The following WDR33 variants were observed in gnomAD, a reference collection of about 807,000 sequenced individuals.
WDR33 encodes WD repeat domain 33.
A neutral mutation model predicts 164.9 loss-of-function variants in WDR33; 47 were observed. The ratio of observed to expected loss-of-function variants is 0.29; its 90% CI spans 0.23 to 0.36. The LOEUF is 0.36. Ranked by LOEUF, WDR33 falls within the 10% of genes least tolerant of loss-of-function variation. The pLI is 1.00. For missense variants in WDR33, 1,137 were observed against 1,754.1 expected (o/e 0.65, Z 6.28); for synonymous variants, 505 against 589.0 (o/e 0.86, Z 2.06).
In WDR33 at chr2:127,709,429, C is replaced by T; in HGVS notation, c.3565+61G>A. The T allele has an allele frequency of 1.3e-6, 2 of 1,556,108 alleles. No homozygotes were observed. The highest frequency in any genetic ancestry group is 8.9e-7 in the Non-Finnish European group (1 of 1,129,110). Reference sequence around the variant, plus strand: ...GACCCGGTGCACCCCAGAGAGGGCCCTCAGAACTCACTTTGTGAACTGCAG... The same window carrying T: ...GACCCGGTGCACCCCAGAGAGGGCCTTCAGAACTCACTTTGTGAACTGCAG... On this transcript the variant is annotated intron_variant, in intron 20 of 21. Coordinates refer to ENST00000322313, the MANE Select transcript of WDR33 (RefSeq NM_018383.5). The surrounding 1 kb of genome is among the most constrained non-coding windows in gnomAD (Gnocchi z 5.0).
chr2:127,734,111 A>G (rs952043829), intron 7 of WDR33, among the ~76,000 whole-genome samples: 20 of 152,332 alleles, frequency 1.3e-4, no homozygotes, highest in African/African-American at 4.1e-4. Flanking sequence ...TCCACCTCTC[A>G]GAACTATATA....
intron 1 of WDR33, among the ~76,000 whole-genome samples, chr2:127,791,249 C>A (rs1162372570): frequency 6.8e-6 from 1 of 147,774 alleles, no homozygotes; most frequent in African/African-American, 2.5e-5. Context: ...GCCTCAAACT[C>A]CTGGGCTCAA....
In WDR33 at chr2:127,702,489, C is replaced by T. The variant is rs1431638993; in HGVS notation, c.*3834G>A. ...GAAGTAACTGTGGTCTTAGGTTCGG[C>T]TGAGTAAAGAAAAAGGATTTTTCTT... On this transcript the variant is annotated 3_prime_UTR_variant, in exon 22 of 22. Coordinates refer to ENST00000322313, the MANE Select transcript of WDR33 (RefSeq NM_018383.5). The T allele has an allele frequency of 4.8e-6, 1 of 207,202 alleles. No individual in the cohort carries two copies. Among genetic ancestry groups the T allele is most frequent in the African/African-American group, 2.3e-5 (1 of 42,646 alleles). The allele number at this position is 207,202 out of a possible 1,614,324, so 12.8% of individuals were successfully genotyped here. A position where few individuals can be genotyped will look rare whatever the true frequency, so the allele number is the denominator to read the frequency against.
At chr2:127,727,136 G>T (rs919630733) in intron 7 of WDR33, among the ~76,000 whole-genome samples, 3 of 152,132 alleles carry the variant, frequency 2.0e-5, no homozygotes, top group Non-Finnish European at 4.4e-5. Context: ...CACAATCCCT[G>T]TCACTCACTT....
chr2:127,706,661 G>T lies in WDR33; in HGVS notation c.3782-109C>A. The T allele has an allele frequency of 1.0e-6, 1 of 987,954 alleles. No individual in the cohort carries two copies. The highest frequency in any genetic ancestry group is 1.5e-6 in the Non-Finnish European group (1 of 681,812). The allele number at this position is 987,954 out of a possible 1,614,324, so 61.2% of individuals were successfully genotyped here. A position where few individuals can be genotyped will look rare whatever the true frequency, so the allele number is the denominator to read the frequency against. Reference sequence around the variant, plus strand: ...TGACAATGGACCAGTTCTGGTGGGTGCCAGGGAGACTGGCAGTGGTATTCA... The same window carrying T: ...TGACAATGGACCAGTTCTGGTGGGTTCCAGGGAGACTGGCAGTGGTATTCA... On this transcript the variant is annotated intron_variant, in intron 21 of 21. Coordinates refer to ENST00000322313, the MANE Select transcript of WDR33 (RefSeq NM_018383.5). This position sits in a 1 kb window ranked among gnomAD's most constrained non-coding sequence, Gnocchi z 5.1.
intron 1 of WDR33, among the ~76,000 whole-genome samples, chr2:127,805,886 AG>A (rs1312420615): frequency 6.6e-6 from 1 of 151,602 alleles, no homozygotes; most frequent in African/African-American, 2.4e-5. Context: ...TGCCACCTAT[AG>A]CTGGAATGAA....
At chr2:127,762,590 T>A in intron 7 of WDR33, 2 of 986,244 alleles carry the variant, frequency 2.0e-6, no homozygotes, top group Non-Finnish European at 2.4e-6. Context: ...GCCGGCCATG[T>A]AGTACAAATG....
intron 7 of WDR33, among the ~76,000 whole-genome samples, chr2:127,749,690 G>T (rs1389327227): frequency 1.3e-5 from 2 of 150,812 alleles, no homozygotes; most frequent in Non-Finnish European, 3.0e-5. Context: ...AAATGCCATA[G>T]TGTTGACTAC....
chr2:127,719,610 G>T lies in WDR33; in HGVS notation c.2415C>A (p.His805Gln), dbSNP rs772162463. ...GPAPQGMIMG[H>Q]PPQEMRGPHP... ...GAGGTCCTCTCATCTCTTGAGGCGG[G>T]TGGCCCATAATCATCCCTTGGGGAG... is the stretch of plus-strand genomic sequence containing the variant. The change falls in exon 16 of 22, where the codon CAC becomes CAA. Residue 805 changes from histidine (H) to glutamine (Q), a missense_variant. Physicochemically the swap from His to Gln is conservative, Grantham distance 24 (BLOSUM62 0). This residue lies in a region of WDR33 where 867 missense variants were observed against 1,073.0 expected (regional missense o/e 0.81). Transcript: ENST00000322313. The surrounding 1 kb of genome is among the most constrained non-coding windows in gnomAD (Gnocchi z 6.5). 6.2e-7 allele frequency: 1 copy of T among 1,613,930 alleles called. No individual in the cohort carries two copies. The highest frequency in any genetic ancestry group is 8.5e-7 in the Non-Finnish European group (1 of 1,179,998).
chr2:127,755,587 C>G (rs1324030406), intron 7 of WDR33, among the ~76,000 whole-genome samples: 1 of 152,200 alleles, frequency 6.6e-6, no homozygotes, highest in Non-Finnish European at 1.5e-5. Flanking sequence ...TTTCTCCAAG[C>G]CTGCGCGTGC....
At chr2:127,711,887 C>T (rs981247997) in intron 18 of WDR33, among the ~76,000 whole-genome samples, 3 of 150,192 alleles carry the variant, frequency 2.0e-5, no homozygotes, top group South Asian at 2.1e-4. Context: ...ATTCTCCTGC[C>T]TCAGCCTTCC....
intron 1 of WDR33, among the ~76,000 whole-genome samples, chr2:127,778,202 G>C (rs1185036516): frequency 6.6e-6 from 1 of 151,994 alleles, no homozygotes; most frequent in Non-Finnish European, 1.5e-5. Flanking sequence ...TTGGGAGGCC[G>C]AGGTGGGTGG....
At chr2:127,810,085 T>A (rs1007407756) in intron 1 of WDR33, among the ~76,000 whole-genome samples, 1 of 152,282 alleles carries the variant, frequency 6.6e-6, no homozygotes, top group Non-Finnish European at 1.5e-5. Flanking sequence ...TATATATGTA[T>A]ATATAGCATG....
In WDR33 at chr2:127,702,169, C is replaced by G; in HGVS notation, c.*4154G>C. The G allele has an allele frequency of 3.3e-6, 4 of 1,214,444 alleles. No homozygotes were observed. The highest frequency in any genetic ancestry group is 4.1e-6 in the Non-Finnish European group (4 of 976,664). 75.2% of individuals were successfully genotyped at this position (1,214,444 alleles called of 1,614,324 possible). On this transcript the variant is annotated 3_prime_UTR_variant, in exon 22 of 22. Coordinates refer to ENST00000322313, the MANE Select transcript of WDR33 (RefSeq NM_018383.5). Reference sequence around the variant, plus strand: ...GGCGCCGGCCTCGCCAAGGTGCTGCCCGTGTGAGGACCTCGCGCCCTCGCC... The same window carrying G: ...GGCGCCGGCCTCGCCAAGGTGCTGCGCGTGTGAGGACCTCGCGCCCTCGCC...
chr2:127,808,044 T>C (rs934363280), intron 1 of WDR33, among the ~76,000 whole-genome samples: 1 of 152,150 alleles, frequency 6.6e-6, no homozygotes, highest in African/African-American at 2.4e-5. Context: ...TAAAGATATA[T>C]ACAAAATGCT....
intron 7 of WDR33, among the ~76,000 whole-genome samples, chr2:127,732,332 T>C (rs1686732452): frequency 1.3e-5 from 2 of 151,626 alleles, no homozygotes; most frequent in Non-Finnish European, 2.9e-5. Context: ...AGGGTTGCAC[T>C]CTATCGCCCA....
At chr2:127,711,751 G>GATATATATATATATATATATATATAT (rs754454193) in intron 18 of WDR33, among the ~76,000 whole-genome samples, 45 of 71,568 alleles carry the variant, frequency 6.3e-4, no homozygotes, top group African/African-American at 2.4e-3. Flanking sequence ...CACATATACA[G>GATATATATATATATATATATATATAT]ATATATATAT....
In WDR33 at chr2:127,719,710, G is replaced by A; in HGVS notation, c.2315C>T (p.Ser772Phe). The A allele has an allele frequency of 6.2e-7, 1 of 1,613,766 alleles. No homozygotes were observed. Residue 772 changes from serine (S) to phenylalanine (F), a missense_variant, in exon 16 of 22, where the codon TCT becomes TTT. This residue lies in a region of WDR33 where 867 missense variants were observed against 1,073.0 expected (regional missense o/e 0.81). Coordinates refer to ENST00000322313, the MANE Select transcript of WDR33 (RefSeq NM_018383.5). The surrounding 1 kb of genome is among the most constrained non-coding windows in gnomAD (Gnocchi z 6.5). The stretch of plus-strand genomic sequence containing the variant: ...ATTCAATCCCATCAGAGGTCCCTGA[G>A]ACACAGGACCTTGGATCCCTTGAGA... ...PGSQGIQGPV[S>F]QGPLMGLNPR...
Position 127,764,847 on chromosome 2 carries a change from CCTT to C in WDR33, c.604_606del (p.Lys202del). 6.2e-7 allele frequency: 1 copy of C among 1,614,212 alleles called. No individual in the cohort carries two copies. The highest frequency in any genetic ancestry group is 8.5e-7 in the Non-Finnish European group (1 of 1,180,040). On this transcript the variant is annotated inframe_deletion, in exon 6 of 22. Transcript: ENST00000322313. This position sits in a 1 kb window ranked among gnomAD's most constrained non-coding sequence, Gnocchi z 6.2. ...ATAAACCTGGCCTCTCTAATCGCCTCCTTATGTGCCTGGAACATCTTGACGTTG... is the reference window on the plus strand; with the variant it reads ...ATAAACCTGGCCTCTCTAATCGCCTCATGTGCCTGGAACATCTTGACGTTG...
Sources: gnomAD v4.1 joint callset for allele counts (sites outside exome capture counted in the v4.1 genomes callset) on GRCh38, gnomAD v4.1.1 for gene constraint, gnomAD v4.1.1 regional missense constraint, Gnocchi (gnomAD v3.1) non-coding constraint, MANE v1.5 for transcripts, NCBI Gene and HGNC (gene_info 2026-07-23, HGNC 2026-07-21) for gene names.